The following NADK variants were observed in gnomAD, a reference collection of about 807,000 sequenced individuals.
NADK encodes the protein NAD kinase.
In NADK, 22 loss-of-function variants were observed where a neutral mutation model predicts 49.8. The ratio of observed to expected loss-of-function variants is 0.44; its 90% CI spans 0.32 to 0.63. NADK has a LOEUF of 0.63. Among genes scored for constraint, NADK ranks in the 30% least tolerant of loss-of-function variants. The probability of loss-of-function intolerance (pLI) is 0.06; values close to 1 mark genes in which losing one functional copy is unlikely to be tolerated. For synonymous variants in NADK, 268 were observed against 253.7 expected, an observed-to-expected ratio of 1.06 and a Z score of -0.54; for missense variants, 438 against 609.4, an observed-to-expected ratio of 0.72 and a Z score of 2.96.
At chr1:1,776,037 C>G (rs1009729223) in intron 1 of NADK, among the ~76,000 whole-genome samples, 35 of 152,250 alleles carry the variant, frequency 2.3e-4, no homozygotes, top group Non-Finnish European at 4.9e-4. Context: ...CAGCCTCCCC[C>G]CAAGTGCTGG....
chr1:1,760,010 G>T, intron 3 of NADK: 1 of 1,239,720 alleles, frequency 8.1e-7, no homozygotes, highest in Non-Finnish European at 1.1e-6. Flanking sequence ...CCACGGCGGG[G>T]CCGGGAGGGC....
chr1:1,757,128 G>GC lies in NADK; in HGVS notation c.393+52dup, dbSNP rs746550458. The stretch of plus-strand genomic sequence containing the variant: ...TCACGGGGCGGTGATGTGGATGGAG[G>GC]CCCCCCCAACTCCATGTGCACCCCA... On this transcript the variant is annotated intron_variant, in intron 4 of 11. Coordinates refer to ENST00000341426, the MANE Select transcript of NADK (RefSeq NM_023018.5). The GC allele has an allele frequency of 1.6e-4, 251 of 1,541,158 alleles. 1 individual carries two copies. In the East Asian group the frequency reaches 4.4e-3, roughly 27 times the overall value.
At chr1:1,765,126 A>G in intron 2 of NADK, 102 bp downstream of exon 2, 5 of 1,205,418 alleles carry the variant, frequency 4.1e-6, no homozygotes, top group Non-Finnish European at 5.7e-6. Context: ...TTCCGGATGC[A>G]TCGACGCAGA....
chr1:1,773,582 C>T (rs969505001), intron 1 of NADK, among the ~76,000 whole-genome samples: 6 of 151,582 alleles, frequency 4.0e-5, no homozygotes, highest in Non-Finnish European at 8.8e-5. Context: ...AAGACCCCGT[C>T]TCTACAAAAA....
rs1035041193 is a variant in NADK, at chr1:1,756,010, A to C, written c.585+248T>G. 19 of 581,516 alleles carry C rather than the reference A, an allele frequency of 3.3e-5. No homozygotes were observed. The African/African-American group carries it at 3.4e-4, about 10-fold the overall frequency. The allele number at this position is 581,516 out of a possible 1,614,324, so 36.0% of individuals were successfully genotyped here. On this transcript the variant is annotated intron_variant, in intron 6 of 11. Transcript: ENST00000341426. ...GCGAGGTCGTTTCCCAGGACCCACCACCCTGCGCCACTCCCTGCTGTCCCA... is the reference window on the plus strand; with the variant it reads ...GCGAGGTCGTTTCCCAGGACCCACCCCCCTGCGCCACTCCCTGCTGTCCCA...
chr1:1,765,589 G>T, intron 1 of NADK, 143 bp from the exon 2 acceptor site: 1 of 463,166 alleles, frequency 2.2e-6, no homozygotes, highest in East Asian at 3.8e-5. Context: ...AAAACAGACT[G>T]TTTCCATTGC....
At position 1,752,126 on chromosome 1, in the gene NADK, G is replaced by A. The variant is rs17162846; in HGVS notation, c.*778C>T. On this transcript the variant is annotated 3_prime_UTR_variant, in exon 12 of 12. Coordinates refer to ENST00000341426, the MANE Select transcript of NADK (RefSeq NM_023018.5). ...TAAATGTAAACATTGAATGGCAGAC[G>A]ACTCCCTTCCCCTTGAAATCTTCAC... The A allele has an allele frequency of 0.27, 40,836 of 149,374 alleles. 5,783 individuals are homozygous for A. Among genetic ancestry groups the A allele is most frequent in the Middle Eastern group, 0.38 (103 of 274 alleles). 9.3% of individuals were successfully genotyped at this position (149,374 alleles called of 1,614,324 possible). A position where few individuals can be genotyped will look rare whatever the true frequency, so the allele number is the denominator to read the frequency against.
Position 1,752,842 on chromosome 1 carries a change from G to A in NADK, c.*62C>T. 1.9e-6 allele frequency: 3 copies of A among 1,560,512 alleles called. No individual in the cohort carries two copies. The highest frequency in any genetic ancestry group is 2.6e-6 in the Non-Finnish European group (3 of 1,147,128). On this transcript the variant is annotated 3_prime_UTR_variant, in exon 12 of 12. Coordinates refer to ENST00000341426, the MANE Select transcript of NADK (RefSeq NM_023018.5). ...GGCGGTCACAGACACACGCAGATTG[G>A]TCTGTCCCCAGAGGGCGCTTGGAGG...
At chr1:1,764,379 G>A (rs531495143) in intron 2 of NADK, among the ~76,000 whole-genome samples, 5 of 152,246 alleles carry the variant, frequency 3.3e-5, no homozygotes, top group East Asian at 1.9e-4. Context: ...TGCAAAGCCC[G>A]GGGCGCTGTT....
rs952277610 is a variant in NADK at position 1,753,972 on chromosome 1, C to T, written c.1101+79G>A. ...TGAGGCTGGAGCCAGCATGGCAGAG[C>T]GGGGTGCTAGGTCCCGGCTTTGTGT... On this transcript the variant is annotated intron_variant, in intron 10 of 11. Transcript: ENST00000341426. The T allele has an allele frequency of 5.1e-5, 76 of 1,485,154 alleles. 1 individual carries two copies. In the Middle Eastern group the frequency reaches 2.1e-3, roughly 42 times the overall value. 92.0% of individuals were successfully genotyped at this position (1,485,154 alleles called of 1,614,324 possible). A position where few individuals can be genotyped will look rare whatever the true frequency, so the allele number is the denominator to read the frequency against.
chr1:1,758,641 C>T, intron 3 of NADK: 1 of 1,429,360 alleles, frequency 7.0e-7, no homozygotes, highest in Non-Finnish European at 9.1e-7. Flanking sequence ...GTAAAAGCAA[C>T]TAAGTCAAAA....
intron 3 of NADK, among the ~76,000 whole-genome samples, chr1:1,760,429 G>T (rs773189947): frequency 2.6e-4 from 40 of 152,324 alleles, no homozygotes; most frequent in Admixed American, 1.2e-3. Flanking sequence ...TGACTCCCCC[G>T]TGGCTCCTGG....
chr1:1,779,645 C>T (rs1034899717), upstream of NADK, among the ~76,000 whole-genome samples: 1 of 149,914 alleles, frequency 6.7e-6, no homozygotes, highest in Non-Finnish European at 1.5e-5. Flanking sequence ...CACTCGACTA[C>T]TTCATTCATA....
intron 1 of NADK, among the ~76,000 whole-genome samples, chr1:1,777,778 T>G (rs1198731762): frequency 6.6e-6 from 1 of 152,266 alleles, no homozygotes; most frequent in East Asian, 1.9e-4. Flanking sequence ...TGTAGGAACA[T>G]CACCATAGAC....
At chr1:1,762,705 C>T (rs1192818679) in intron 2 of NADK, among the ~76,000 whole-genome samples, 3 of 152,034 alleles carry the variant, frequency 2.0e-5, no homozygotes, top group African/African-American at 4.8e-5. Context: ...TGCAGTGAGC[C>T]GAGATCGAGC....
intron 3 of NADK, chr1:1,761,550 G>A (rs111366931): frequency 0.071 from 12,891 of 180,660 alleles, 625 homozygotes; most frequent in Non-Finnish European, 0.11. Flanking sequence ...AATAGCAAAC[G>A]CAACCCACCC....
chr1:1,754,186 C>T lies in NADK; in HGVS notation c.966G>A (p.Thr322=), dbSNP rs746690073. The change falls in exon 10 of 12, where the codon ACG becomes ACA. Residue 322 remains threonine (T), a synonymous_variant. Coordinates refer to ENST00000341426, the MANE Select transcript of NADK (RefSeq NM_023018.5). This position sits in a 1 kb window ranked among gnomAD's most constrained non-coding sequence, Gnocchi z 4.3. Reference sequence around the variant, plus strand: ...CCGCGGCCGCATACGCCGTGCTGCCCGTCGGGGTGGACACGATCACTCCTG... The same window carrying T: ...CCGCGGCCGCATACGCCGTGCTGCCTGTCGGGGTGGACACGATCACTCCTG... ...QGDGVIVSTP[T]GSTAYAAAAG... 1.4e-5 allele frequency: 23 copies of T among 1,612,522 alleles called. No homozygotes were observed. Among genetic ancestry groups the T allele is most frequent in the South Asian group, 3.3e-5 (3 of 91,058 alleles).
At chr1:1,768,079 G>A (rs1351642487) in intron 1 of NADK, among the ~76,000 whole-genome samples, 1 of 151,566 alleles carries the variant, frequency 6.6e-6, no homozygotes, top group African/African-American at 2.4e-5. Flanking sequence ...GCTGAGGCAG[G>A]AGAAATGCTT....
At chr1:1,765,179 TA>T (rs1249792510) in intron 2 of NADK, 48 bp downstream of exon 2, 1 of 1,491,720 alleles carries the variant, frequency 6.7e-7, no homozygotes, top group Non-Finnish European at 9.0e-7. Context: ...GAAAGAATAT[TA>T]TGAAATCAGA....
Sources: gnomAD v4.1 joint callset for allele counts (sites outside exome capture counted in the v4.1 genomes callset) on GRCh38, gnomAD v4.1.1 for gene constraint, Gnocchi (gnomAD v3.1) non-coding constraint, MANE v1.5 for transcripts, NCBI Gene and HGNC (gene_info 2026-07-23, HGNC 2026-07-21) for gene names.